Variants in TNS3 observed in about 807,000 individuals in gnomAD.
TNS3 encodes tensin-3.
TNS3 carries 45 observed loss-of-function variants against 140.9 expected under a neutral mutation model. The ratio of observed to expected loss-of-function variants is 0.32; its 90% CI spans 0.25 to 0.41. The LOEUF is 0.41. TNS3 is among the 10% of genes least tolerant of loss of function. The pLI is 1.00. For synonymous variants in TNS3, 815 were observed against 788.4 expected, an observed-to-expected ratio of 1.03 and a Z score of -0.56; for missense variants, 1,716 against 1,906.7, an observed-to-expected ratio of 0.90 and a Z score of 1.86.
chr7:47,391,048 C>A (rs1440675116), intron 16 of TNS3, among the ~76,000 whole-genome samples: 1 of 152,172 alleles, frequency 6.6e-6, no homozygotes, highest in Non-Finnish European at 1.5e-5. Flanking sequence ...TCTCACGATC[C>A]ACCACACACA....
At chr7:47,534,143 G>A (rs578160524) in intron 1 of TNS3, among the ~76,000 whole-genome samples, 83 of 151,956 alleles carry the variant, frequency 5.5e-4, no homozygotes, top group Non-Finnish European at 4.6e-4. Context: ...GCGTGGTGGC[G>A]GGCACCCGTA....
chr7:47,346,047 C>T (rs1275124571), intron 18 of TNS3, 140 bp downstream of exon 18: 1 of 1,159,972 alleles, frequency 8.6e-7, no homozygotes, highest in East Asian at 2.6e-5. Flanking sequence ...ATTTGTGAAA[C>T]CAGGACGGAA....
chr7:47,479,367 G>A (rs540886180), intron 4 of TNS3, among the ~76,000 whole-genome samples: 239 of 152,280 alleles, frequency 1.6e-3, no homozygotes, highest in African/African-American at 5.6e-3. Flanking sequence ...GGGCCACCTG[G>A]GCCTCAGCCC....
At chr7:47,474,767 C>T (rs1158944274) in intron 4 of TNS3, among the ~76,000 whole-genome samples, 1 of 148,052 alleles carries the variant, frequency 6.8e-6, no homozygotes, top group African/African-American at 2.5e-5. Context: ...ACACAAAGCA[C>T]AACACACACA....
intron 20 of TNS3, among the ~76,000 whole-genome samples, chr7:47,343,868 T>C (rs1789162446): frequency 6.6e-6 from 1 of 152,162 alleles, no homozygotes; most frequent in African/African-American, 2.4e-5. Context: ...AGGAGAAGGA[T>C]GTCTTTCTAT....
At chr7:47,352,384 T>C (rs1789737920) in intron 17 of TNS3, among the ~76,000 whole-genome samples, 1 of 152,068 alleles carries the variant, frequency 6.6e-6, no homozygotes, top group South Asian at 2.1e-4. Flanking sequence ...TCACGCACAG[T>C]CTCACACGCT....
chr7:47,520,277 G>C (rs963036662), intron 2 of TNS3, among the ~76,000 whole-genome samples: 7 of 152,126 alleles, frequency 4.6e-5, no homozygotes, highest in African/African-American at 1.7e-4. Context: ...GCCACACCTA[G>C]GCAGACCTTG....
chr7:47,414,303 G>A (rs1793953883), intron 11 of TNS3, among the ~76,000 whole-genome samples: 1 of 152,192 alleles, frequency 6.6e-6, no homozygotes, highest in South Asian at 2.1e-4. Context: ...AATGACCAGG[G>A]GGACCTGAAG....
intron 1 of TNS3, among the ~76,000 whole-genome samples, chr7:47,546,985 T>C (rs915346150): frequency 1.3e-5 from 2 of 152,242 alleles, no homozygotes; most frequent in Admixed American, 1.3e-4. Context: ...GGCTGGGCCT[T>C]TGGAACACCC....
intron 30 of TNS3, chr7:47,279,844 T>C: frequency 2.4e-6 from 1 of 409,484 alleles, no homozygotes; most frequent in Non-Finnish European, 4.4e-6. Flanking sequence ...TCCTTCTAGC[T>C]GTGCAGACCT....
chr7:47,292,855 G>A lies in TNS3; in HGVS notation c.3823C>T (p.Pro1275Ser), dbSNP rs1415709088. The A allele has an allele frequency of 1.2e-6, 2 of 1,614,084 alleles. No homozygotes were observed. The highest frequency in any genetic ancestry group is 1.7e-6 in the Non-Finnish European group (2 of 1,180,014). The stretch of plus-strand genomic sequence containing the variant: ...CTCTCTGGGATAAGCAGCTTGCACG[G>A]CAAGGCCAAGGGCGTGATGGAATGC... ...CQHSITPLAL[P>S]CKLLIPERDP... Residue 1275 changes from proline to serine, a missense_variant, in exon 26 of 31, where the codon CCG becomes TCG. By Grantham distance (74) the Pro-to-Ser change is moderately conservative (BLOSUM62 -1). Around this residue, in one of 3 missense-constraint regions of TNS3, gnomAD observed 216 missense variants for 295.7 expected, o/e 0.73. Coordinates refer to ENST00000311160, the MANE Select transcript of TNS3 (RefSeq NM_022748.12).
At chr7:47,450,065 T>C (rs192252191) in intron 4 of TNS3, among the ~76,000 whole-genome samples, 2 of 152,180 alleles carry the variant, frequency 1.3e-5, no homozygotes, top group East Asian at 1.9e-4. Flanking sequence ...CTGCACACAA[T>C]AGCCACCCAG....
chr7:47,488,789 C>T (rs1297902471), intron 3 of TNS3, among the ~76,000 whole-genome samples: 2 of 150,394 alleles, frequency 1.3e-5, no homozygotes, highest in Non-Finnish European at 2.9e-5. Context: ...AGAGCTGGGT[C>T]CCCCAGGTGA....
At chr7:47,538,369 G>T (rs547511907) in intron 1 of TNS3, among the ~76,000 whole-genome samples, 1 of 152,284 alleles carries the variant, frequency 6.6e-6, no homozygotes, top group Admixed American at 6.5e-5. Flanking sequence ...AGGATAGGGG[G>T]CCTTCTAGTC....
intron 3 of TNS3, among the ~76,000 whole-genome samples, chr7:47,495,482 G>A (rs894925416): frequency 6.6e-6 from 1 of 152,178 alleles, no homozygotes; most frequent in East Asian, 1.9e-4. Context: ...CCCTGAGGAC[G>A]AGGCCTGCAG....
chr7:47,387,910 T>A (rs1422952187), intron 16 of TNS3, among the ~76,000 whole-genome samples: 1 of 152,220 alleles, frequency 6.6e-6, no homozygotes, highest in Non-Finnish European at 1.5e-5. Flanking sequence ...ACATTTTGGT[T>A]CTGTATATCA....
At chr7:47,285,838 A>G (rs1251103118) in intron 27 of TNS3, among the ~76,000 whole-genome samples, 1 of 152,200 alleles carries the variant, frequency 6.6e-6, no homozygotes, top group Non-Finnish European at 1.5e-5. Flanking sequence ...AGAGGGGTGA[A>G]ATTAGCTCCC....
At chr7:47,316,250 A>G (rs1787404347) in intron 20 of TNS3, among the ~76,000 whole-genome samples, 1 of 151,962 alleles carries the variant, frequency 6.6e-6, no homozygotes, top group Admixed American at 6.6e-5. Flanking sequence ...GGAACATCAA[A>G]TCTCTCGTAT....
intron 5 of TNS3, among the ~76,000 whole-genome samples, chr7:47,440,262 C>G (rs1057322395): frequency 6.6e-6 from 1 of 152,078 alleles, no homozygotes; most frequent in African/African-American, 2.4e-5. Flanking sequence ...CAGGACCTCA[C>G]GTGGAGAGGG....
Sources: allele counts gnomAD v4.1 joint callset (sites outside exome capture counted in the v4.1 genomes callset), GRCh38; gene constraint gnomAD v4.1.1; regional missense constraint gnomAD v4.1.1; transcripts MANE v1.5; gene names NCBI Gene and HGNC (gene_info 2026-07-23, HGNC 2026-07-21).